The following NUP98 variants were observed in gnomAD, a reference collection of about 807,000 sequenced individuals.
The protein encoded by NUP98 is nuclear pore complex protein Nup98-Nup96.
A neutral mutation model predicts 191.9 loss-of-function variants in NUP98; 26 were observed. The ratio of observed to expected loss-of-function variants is 0.14; its 90% CI spans 0.10 to 0.19. NUP98 has a LOEUF of 0.19. NUP98 is among the 10% of genes least tolerant of loss of function. The pLI is 1.00. For missense variants in NUP98, 1,941 were observed against 2,178.8 expected, an observed-to-expected ratio of 0.89 and a Z score of 2.17; for synonymous variants, 808 against 778.4, an observed-to-expected ratio of 1.04 and a Z score of -0.63.
intron 24 of NUP98, among the ~76,000 whole-genome samples, chr11:3,699,706 A>C (rs2134098728): frequency 6.6e-6 from 1 of 152,340 alleles, no homozygotes; most frequent in Admixed American, 6.5e-5. Flanking sequence ...TTATCATTTA[A>C]GCCACTTACA....
At chr11:3,745,956 A>C (rs764411781) in intron 11 of NUP98, among the ~76,000 whole-genome samples, 3 of 152,148 alleles carry the variant, frequency 2.0e-5, no homozygotes, top group Non-Finnish European at 4.4e-5. Flanking sequence ...CAAATTACTG[A>C]CTGTCCAACC....
At chr11:3,776,125 T>TTTA in intron 4 of NUP98, 104 bp from the exon 5 acceptor site, 1 of 720,368 alleles carries the variant, frequency 1.4e-6, no homozygotes, top group Non-Finnish European at 2.2e-6. Flanking sequence ...TACTTCATTT[T>TTTA]TTTTTTTTTT....
intron 26 of NUP98, 136 bp downstream of exon 26, chr11:3,695,313 T>C (rs1272536970): frequency 5.4e-6 from 4 of 739,226 alleles, no homozygotes; most frequent in Non-Finnish European, 6.0e-6. Context: ...CCTTTATAAT[T>C]TGAAAATTGT....
In NUP98 at chr11:3,735,812, T is replaced by C. The variant is rs61877585; in HGVS notation, c.1409-488A>G. 4.8e-5 allele frequency among the ~76,000 whole-genome samples: 7 copies of C among 146,562 alleles called. No homozygotes were observed. The Admixed American group carries it at 4.8e-4, about 10-fold the overall frequency. On this transcript the variant is annotated intron_variant, in intron 12 of 32. Transcript: ENST00000324932. The stretch of plus-strand genomic sequence containing the variant: ...GTGTAATTGTCTAAAGGAAATAATA[T>C]GACAGTATACAGGGCAAATACTGTG...
chr11:3,706,849 T>C (rs2134138752), intron 20 of NUP98, among the ~76,000 whole-genome samples: 1 of 152,302 alleles, frequency 6.6e-6, no homozygotes, highest in Admixed American at 6.5e-5. Context: ...GTCATCCCAT[T>C]CTAATATTAC....
intron 11 of NUP98, among the ~76,000 whole-genome samples, chr11:3,750,906 G>A (rs555655865): frequency 6.6e-6 from 1 of 152,112 alleles, no homozygotes; most frequent in Non-Finnish European, 1.5e-5. Context: ...AAAGTGCTGG[G>A]ATTAGAAGCA....
Position 3,699,158 on chromosome 11 carries a change from GT to G in NUP98, c.3932del (p.Asn1311ThrfsTer89), listed in dbSNP as rs1214420150. 1 of 1,613,978 alleles carries G rather than the reference GT, an allele frequency of 6.2e-7. No homozygotes were observed. On this transcript the variant is annotated frameshift_variant, in exon 25 of 33. Transcript: ENST00000324932. LOFTEE classifies it high-confidence loss of function. ...AGCTGAATACAGCCTCCACAGGGCT[GT>G]TTTTTTGGGTTAAGGAGACTTCCTC... ...IEEEVSLTQK[N>X]SPVEAVFSYL...
intron 12 of NUP98, among the ~76,000 whole-genome samples, chr11:3,735,783 GTGTGTGTA>G: frequency 8.0e-6 from 1 of 124,432 alleles, no homozygotes; most frequent in East Asian, 2.5e-4. Flanking sequence ...GTGTGTGTGT[GTGTGTGTA>G]ATTGTCTAAA....
chr11:3,763,358 C>T (rs1367809239), intron 8 of NUP98, among the ~76,000 whole-genome samples: 4 of 152,078 alleles, frequency 2.6e-5, no homozygotes, highest in Non-Finnish European at 4.4e-5. Flanking sequence ...AATAATAAGA[C>T]TTTAACTCTT....
At chr11:3,701,593 C>T (rs1458567012) in intron 23 of NUP98, among the ~76,000 whole-genome samples, 1 of 151,866 alleles carries the variant, frequency 6.6e-6, no homozygotes, top group African/African-American at 2.4e-5. Flanking sequence ...CTTCAAAATT[C>T]ACAAGATAAT....
intron 10 of NUP98, among the ~76,000 whole-genome samples, chr11:3,757,364 G>A (rs1050113546): frequency 6.6e-6 from 1 of 151,842 alleles, no homozygotes; most frequent in Admixed American, 6.6e-5. Context: ...GTGCATGCCT[G>A]TAGTCCCAGC....
Position 3,724,780 on chromosome 11 carries a change from C to CAAAAAAAAA in NUP98, c.1847+314_1847+322dup, listed in dbSNP as rs71041382. ...TGGGCGACAGAGTGAGACTCTGTCT[C>CAAAAAAAAA]AAAAAAAAAAAAGAAAGAAAATCAT... On this transcript the variant is annotated intron_variant, in intron 15 of 32. Transcript: ENST00000324932. Among the ~76,000 whole-genome samples the CAAAAAAAAA allele has an allele frequency of 3.7e-4, 30 of 80,172 alleles. 2 individuals are homozygous for CAAAAAAAAA. Among genetic ancestry groups the CAAAAAAAAA allele is most frequent in the African/African-American group, 1.5e-3 (27 of 17,712 alleles). The allele number at this position is 80,172 out of a possible 152,430, so 52.6% of individuals were successfully genotyped here.
chr11:3,717,538 G>GT (rs141579789), intron 18 of NUP98, among the ~76,000 whole-genome samples: 100 of 152,274 alleles, frequency 6.6e-4, no homozygotes, highest in African/African-American at 2.2e-3. Flanking sequence ...TCTGTATCCT[G>GT]TAACTTTGTT....
rs1285746216 is a variant in NUP98, at chr11:3,783,571, T to G, written c.-28-1426A>C. ...AAAATTAGCCAGGCGTGGTGGTGCA[T>G]GCCTGTAATCTCAGCTATTTGGGAG... On this transcript the variant is annotated intron_variant, in intron 1 of 32. Transcript: ENST00000324932. Among the ~76,000 whole-genome samples, 3 of 152,224 alleles carry G rather than the reference T, an allele frequency of 2.0e-5. No homozygotes were observed. In the East Asian group the frequency reaches 5.8e-4, roughly 29 times the overall value.
rs1206570796 is a variant in NUP98, at chr11:3,706,518, G to C, written c.2852C>G (p.Pro951Arg). Reference sequence around the variant, plus strand: ...GGCAGACACAGGTTCCTGATCCTCAGGCATGCTCTCTTCTAACATGGTATC... The same window carrying C: ...GGCAGACACAGGTTCCTGATCCTCACGCATGCTCTCTTCTAACATGGTATC... ...VLDTMLEESM[P>R]EDQEPVSAST... The change falls in exon 21 of 33, where the codon CCT (proline) becomes CGT (arginine). Residue 951 changes from proline (P) to arginine (R), a missense_variant. Coordinates refer to ENST00000324932, the MANE Select transcript of NUP98 (RefSeq NM_016320.5). The C allele has an allele frequency of 1.2e-6, 2 of 1,614,132 alleles. No individual in the cohort carries two copies. Among genetic ancestry groups the C allele is most frequent in the East Asian group, 4.5e-5 (2 of 44,886 alleles).
At chr11:3,696,261 G>A (rs923006279) in intron 25 of NUP98, among the ~76,000 whole-genome samples, 2 of 152,246 alleles carry the variant, frequency 1.3e-5, no homozygotes, top group East Asian at 3.9e-4. Context: ...CAGTGCTCTG[G>A]GAAGCCAAGG....
intron 10 of NUP98, among the ~76,000 whole-genome samples, chr11:3,756,270 A>G (rs2080955592): frequency 1.3e-5 from 2 of 152,190 alleles, no homozygotes; most frequent in South Asian, 2.1e-4. Flanking sequence ...CCCAACTTAC[A>G]CTGTTTATAC....
In NUP98 at chr11:3,676,135, A is replaced by C; in HGVS notation, c.*24T>G. On this transcript the variant is annotated 3_prime_UTR_variant, in exon 33 of 33. Coordinates refer to ENST00000324932, the MANE Select transcript of NUP98 (RefSeq NM_016320.5). ...TCTGTGTGGTGTGAATGGGCATGTG[A>C]CTGTGATGCAAAGTGCCTGGGGCTC... The C allele has an allele frequency of 1.9e-6, 3 of 1,606,424 alleles. No individual in the cohort carries two copies. Among genetic ancestry groups the C allele is most frequent in the Non-Finnish European group, 2.6e-6 (3 of 1,174,630 alleles).
intron 1 of NUP98, among the ~76,000 whole-genome samples, chr11:3,793,365 C>G (rs1419724680): frequency 1.3e-5 from 2 of 152,070 alleles, no homozygotes; most frequent in Non-Finnish European, 2.9e-5. Context: ...TCTGCGCTCA[C>G]TGCAACCTCT....
Sources: allele counts gnomAD v4.1 joint callset (sites outside exome capture counted in the v4.1 genomes callset), GRCh38; gene constraint gnomAD v4.1.1; transcripts MANE v1.5; gene names NCBI Gene and HGNC (gene_info 2026-07-23, HGNC 2026-07-21).